TRDN: variants seen among roughly 807,000 people sequenced by gnomAD.
TRDN encodes the protein triadin.
TRDN carries 161 observed loss-of-function variants against 149.7 expected under a neutral mutation model. That is an observed-to-expected ratio of 1.08 (90% confidence interval 0.95 to 1.23). TRDN has a LOEUF of 1.23. Among genes scored for constraint, TRDN ranks in the 50% most tolerant of loss-of-function variants. The probability of loss-of-function intolerance (pLI) is 0.00; values close to 1 mark genes in which losing one functional copy is unlikely to be tolerated. For missense variants in TRDN, 896 were observed against 823.5 expected (o/e 1.09, Z -1.08); for synonymous variants, 294 against 250.5 (o/e 1.17, Z -1.64).
intron 1 of TRDN, among the ~76,000 whole-genome samples, chr6:123,580,079 G>A (rs1216242846): frequency 1.3e-5 from 2 of 152,100 alleles, no homozygotes; most frequent in African/African-American, 4.8e-5. Context: ...AGAAGGAATG[G>A]TACCAGCTCT....
chr6:123,504,577 G>A (rs1778837950), intron 7 of TRDN, among the ~76,000 whole-genome samples: 1 of 151,996 alleles, frequency 6.6e-6, no homozygotes, highest in Non-Finnish European at 1.5e-5. Context: ...AATTCTACTA[G>A]TTTTTAAAGC....
chr6:123,590,738 G>A (rs1783738161), intron 1 of TRDN, among the ~76,000 whole-genome samples: 1 of 152,080 alleles, frequency 6.6e-6, no homozygotes, highest in Non-Finnish European at 1.5e-5. Flanking sequence ...ACTCCAGCCT[G>A]GGCGAAAGAG....
chr6:123,379,735 T>C (rs1392894819), intron 16 of TRDN, among the ~76,000 whole-genome samples: 3 of 152,230 alleles, frequency 2.0e-5, no homozygotes, highest in African/African-American at 7.2e-5. Context: ...TACATTGATT[T>C]ACCCTTTAAC....
chr6:123,351,420 A>C, intron 21 of TRDN: 1 of 984,946 alleles, frequency 1.0e-6, no homozygotes, highest in Non-Finnish European at 1.2e-6. Flanking sequence ...CTCCCACTTT[A>C]TATTTCAGAA....
intron 9 of TRDN, chr6:123,471,561 G>T (rs1777153014): frequency 1.3e-5 from 2 of 152,258 alleles, no homozygotes; most frequent in South Asian, 4.1e-4. Flanking sequence ...AACACCAACA[G>T]CTTAAACTTC....
At chr6:123,425,056 AAGTTC>A (rs1774058308) in intron 12 of TRDN, among the ~76,000 whole-genome samples, 1 of 152,118 alleles carries the variant, frequency 6.6e-6, no homozygotes, top group South Asian at 2.1e-4. Flanking sequence ...GTAGTGAGGA[AAGTTC>A]AGCTACTAAA....
intron 39 of TRDN, among the ~76,000 whole-genome samples, chr6:123,222,938 A>G (rs566942732): frequency 1.3e-4 from 20 of 152,036 alleles, no homozygotes; most frequent in Non-Finnish European, 2.2e-4. Flanking sequence ...AATCAAAACC[A>G]CAATAAGATA....
chr6:123,341,840 G>T (rs1423368524), intron 21 of TRDN, among the ~76,000 whole-genome samples: 1 of 151,910 alleles, frequency 6.6e-6, no homozygotes, highest in Non-Finnish European at 1.5e-5. Context: ...GGCTGTATTG[G>T]CATGTTAAAA....
chr6:123,382,002 T>A, intron 15 of TRDN, 116 bp downstream of exon 15: 1 of 669,482 alleles, frequency 1.5e-6, no homozygotes, highest in Non-Finnish European at 2.2e-6. Flanking sequence ...TCTCAATCAT[T>A]TTTTCTTCTC....
intron 12 of TRDN, among the ~76,000 whole-genome samples, chr6:123,428,790 C>A (rs576353133): frequency 5.3e-5 from 8 of 152,172 alleles, no homozygotes; most frequent in African/African-American, 1.9e-4. Flanking sequence ...TTGCGTGAGG[C>A]CTTGTATTTA....
chr6:123,460,766 C>A (rs1776402330), intron 10 of TRDN, among the ~76,000 whole-genome samples: 1 of 151,876 alleles, frequency 6.6e-6, no homozygotes, highest in South Asian at 2.1e-4. Flanking sequence ...TCAGATGCAT[C>A]CTATGGTAAA....
rs1779226075 is a variant in TRDN, at chr6:123,512,367, A to G, written c.551-5T>C. On this transcript the variant is annotated splice_polypyrimidine_tract_variant and splice_region_variant and intron_variant, in intron 6 of 40. Coordinates refer to ENST00000334268, the MANE Select transcript of TRDN (RefSeq NM_006073.4). ...CAATTTTTTCCTTGTGAGTTGCTTA[A>G]ACAGAAAATTTTACATTAGTACACA... 1 of 1,486,614 alleles carries G rather than the reference A, an allele frequency of 6.7e-7. No homozygotes were observed. Among genetic ancestry groups the G allele is most frequent in the East Asian group, 2.3e-5 (1 of 42,702 alleles). 92.1% of individuals were successfully genotyped at this position (1,486,614 alleles called of 1,614,324 possible). A position where few individuals can be genotyped will look rare whatever the true frequency, so the allele number is the denominator to read the frequency against.
chr6:123,258,757 G>T (rs142414057), intron 35 of TRDN, among the ~76,000 whole-genome samples: 1 of 152,020 alleles, frequency 6.6e-6, no homozygotes, highest in Admixed American at 6.6e-5. Context: ...CTGTGAATCC[G>T]TCTGGTCCTG....
chr6:123,268,329 A>G (rs1296124619), intron 31 of TRDN, among the ~76,000 whole-genome samples: 1 of 151,988 alleles, frequency 6.6e-6, no homozygotes, highest in Non-Finnish European at 1.5e-5. Context: ...AATCTCAACT[A>G]TTCTAGGATA....
At chr6:123,289,223 T>C (rs2114647169) in intron 24 of TRDN, among the ~76,000 whole-genome samples, 1 of 150,838 alleles carries the variant, frequency 6.6e-6, no homozygotes, top group Non-Finnish European at 1.5e-5. Context: ...GAAAATTCTG[T>C]CATTTGCAAC....
At chr6:123,223,415 A>G (rs1775224665) in intron 39 of TRDN, among the ~76,000 whole-genome samples, 1 of 151,678 alleles carries the variant, frequency 6.6e-6, no homozygotes, top group South Asian at 2.1e-4. Context: ...TAACAAACAT[A>G]CACATGTACC....
rs192504538 is a variant in TRDN at position 123,443,035 on chromosome 6, C to G, written c.932-4032G>C. ...TTGAGTCCCCTTTCACCTGTTTATT[C>G]CTTATTTACCAAGTGAAATATGCAT... On this transcript the variant is annotated intron_variant, in intron 10 of 40. Transcript: ENST00000334268. Among the ~76,000 whole-genome samples, 315 of 152,022 alleles carry G rather than the reference C, an allele frequency of 2.1e-3. 1 individual carries two copies. Among genetic ancestry groups the G allele is most frequent in the Non-Finnish European group, 2.7e-3 (183 of 67,960 alleles).
intron 22 of TRDN, among the ~76,000 whole-genome samples, chr6:123,335,860 T>A (rs1292766535): frequency 6.6e-6 from 1 of 152,000 alleles, no homozygotes; most frequent in Non-Finnish European, 1.5e-5. Flanking sequence ...AATTGTGAAC[T>A]CCAAATTATG....
intron 23 of TRDN, among the ~76,000 whole-genome samples, chr6:123,321,810 AT>A (rs1779253748): frequency 6.6e-6 from 1 of 151,930 alleles, no homozygotes. Context: ...ACTAGATGGT[AT>A]CTGATTTCTT....
Sources: allele counts gnomAD v4.1 joint callset (sites outside exome capture counted in the v4.1 genomes callset), GRCh38; gene constraint gnomAD v4.1.1; transcripts MANE v1.5; gene names NCBI Gene and HGNC (gene_info 2026-07-23, HGNC 2026-07-21).